The following ADGRL3 variants were observed in gnomAD, a reference collection of about 807,000 sequenced individuals.
ADGRL3 encodes adhesion G protein-coupled receptor L3, also known as calcium-independent alpha-latrotoxin receptor 3.
A neutral mutation model predicts 153.5 loss-of-function variants in ADGRL3; 62 were observed. That is an observed-to-expected ratio of 0.40 (90% CI 0.33 to 0.50). The LOEUF (loss-of-function observed/expected upper bound fraction) is 0.50. ADGRL3 is among the 20% of genes least tolerant of loss of function. The pLI, the probability that ADGRL3 is intolerant of heterozygous loss-of-function variation, is 0.47. For synonymous variants in ADGRL3, 710 were observed against 672.5 expected (o/e 1.06, Z -0.86); for missense variants, 1,641 against 1,859.4 (o/e 0.88, Z 2.16).
Position 61,225,938 on chromosome 4 carries a change from C to T in ADGRL3, c.-240+24173C>T, listed in dbSNP as rs984054282. Among the ~76,000 whole-genome samples, 10 of 152,268 alleles carry T rather than the reference C, an allele frequency of 6.6e-5. No individual in the cohort carries two copies. In the South Asian group the frequency reaches 2.1e-3, roughly 32 times the overall value. On this transcript the variant is annotated intron_variant, in intron 1 of 26. Coordinates refer to ENST00000683033, the MANE Select transcript of ADGRL3 (RefSeq NM_001387552.1). ...GTCTTCTTTAATATCTTTTCCATCA[C>T]TGCTTTCTACCTTCTTGTTCTCTGA...
chr4:61,423,195 A>T (rs2097229728), intron 2 of ADGRL3, among the ~76,000 whole-genome samples: 1 of 152,228 alleles, frequency 6.6e-6, no homozygotes, highest in South Asian at 2.1e-4. Flanking sequence ...GTACAGCAAG[A>T]TGAGAAGATT....
intron 9 of ADGRL3, among the ~76,000 whole-genome samples, chr4:61,819,992 C>T (rs1247962708): frequency 6.6e-6 from 1 of 152,034 alleles, no homozygotes; most frequent in Non-Finnish European, 1.5e-5. Flanking sequence ...ATTCTACCTC[C>T]TTTCAATTCG....
intron 5 of ADGRL3, among the ~76,000 whole-genome samples, chr4:61,598,493 C>G (rs1435322367): frequency 1.3e-5 from 2 of 152,128 alleles, no homozygotes; most frequent in African/African-American, 4.8e-5. Context: ...TAAATCTCAT[C>G]CCCTACATTC....
chr4:61,891,370 A>T (rs1312130134), intron 9 of ADGRL3, among the ~76,000 whole-genome samples: 4 of 152,184 alleles, frequency 2.6e-5, no homozygotes. Flanking sequence ...ATTCATATGG[A>T]AAGGGACCAT....
At chr4:61,568,917 A>C (rs2098827369) in intron 4 of ADGRL3, among the ~76,000 whole-genome samples, 2 of 152,116 alleles carry the variant, frequency 1.3e-5, no homozygotes, top group Non-Finnish European at 2.9e-5. Flanking sequence ...GGCTGTCTTC[A>C]ATCTATGGAT....
At chr4:61,918,376 A>T (rs2098753906) in intron 13 of ADGRL3, among the ~76,000 whole-genome samples, 1 of 152,226 alleles carries the variant, frequency 6.6e-6, no homozygotes, top group Admixed American at 6.5e-5. Flanking sequence ...TAAATATGTC[A>T]TTAAATATAC....
rs546176122 is a variant in ADGRL3 at position 61,747,194 on chromosome 4, T to G, written c.1399+13640T>G. Reference sequence around the variant, plus strand: ...ATCTCTGAATAGACCAATAACAGGCTCTGAAATTGTGGCAATAATCAATAG... The same window carrying G: ...ATCTCTGAATAGACCAATAACAGGCGCTGAAATTGTGGCAATAATCAATAG... On this transcript the variant is annotated intron_variant, in intron 8 of 26. Transcript: ENST00000683033. 1.2e-3 allele frequency among the ~76,000 whole-genome samples: 180 copies of G among 151,416 alleles called. 1 individual carries two copies. The East Asian group carries it at 0.031, about 26-fold the overall frequency.
At chr4:61,783,565 C>G (rs2097240943) in intron 8 of ADGRL3, among the ~76,000 whole-genome samples, 1 of 151,970 alleles carries the variant, frequency 6.6e-6, no homozygotes, top group South Asian at 2.1e-4. Context: ...TATGACCACA[C>G]TCAAAATTAT....
intron 1 of ADGRL3, among the ~76,000 whole-genome samples, chr4:61,246,351 T>C (rs1421848821): frequency 3.9e-5 from 6 of 152,054 alleles, no homozygotes; most frequent in Non-Finnish European, 7.4e-5. Flanking sequence ...AGACTAGTTA[T>C]GAGCTAGATG....
At chr4:62,028,038 T>A (rs945719457) in intron 21 of ADGRL3, among the ~76,000 whole-genome samples, 1 of 151,810 alleles carries the variant, frequency 6.6e-6, no homozygotes, top group Non-Finnish European at 1.5e-5. Context: ...AGGAGCTTTA[T>A]TTGTGTATGC....
In ADGRL3 at chr4:62,044,516, G is replaced by A; in HGVS notation, c.3781G>A (p.Gly1261Arg). The A allele has an allele frequency of 1.9e-6, 3 of 1,595,640 alleles. 1 individual carries two copies. In the South Asian group the frequency reaches 3.4e-5, roughly 18 times the overall value. Residue 1261 changes from glycine to arginine, a missense_variant, in exon 25 of 27, where the codon GGA (glycine) becomes AGA (arginine). This residue lies in a region of ADGRL3 where 517 missense variants were observed against 555.0 expected (regional missense o/e 0.93). Coordinates refer to ENST00000683033, the MANE Select transcript of ADGRL3 (RefSeq NM_001387552.1). ...GCAGTCAGAGTCTTCCTTTATTACT[G>A]GAGACATAAACAGTTCAGCGTCACT... ...RKQSESSFITGDINSSASLNR... is the reference protein window; with the variant it reads ...RKQSESSFITRDINSSASLNR...
intron 1 of ADGRL3, among the ~76,000 whole-genome samples, chr4:61,353,826 A>C (rs1260469519): frequency 9.2e-6 from 1 of 108,282 alleles, no homozygotes; most frequent in Non-Finnish European, 2.0e-5. Flanking sequence ...GCATTTTTGT[A>C]GATGATGGGC....
chr4:61,602,058 T>C (rs1386881429), intron 5 of ADGRL3, among the ~76,000 whole-genome samples: 2 of 150,810 alleles, frequency 1.3e-5, no homozygotes, highest in African/African-American at 2.4e-5. Context: ...TAATAACTAG[T>C]AAAATAAGTA....
At chr4:61,833,082 TG>T (rs1299515175) in intron 9 of ADGRL3, among the ~76,000 whole-genome samples, 1 of 151,952 alleles carries the variant, frequency 6.6e-6, no homozygotes, top group Non-Finnish European at 1.5e-5. Context: ...AAGAAAAAAG[TG>T]TTTATTTGTA....
intron 6 of ADGRL3, among the ~76,000 whole-genome samples, chr4:61,703,923 C>G (rs1021125841): frequency 6.6e-6 from 1 of 151,804 alleles, no homozygotes; most frequent in Non-Finnish European, 1.5e-5. Context: ...AGTATCTGTT[C>G]CCCAGCAGGT....
chr4:61,880,483 C>T (rs763636131), intron 9 of ADGRL3, among the ~76,000 whole-genome samples: 4 of 152,118 alleles, frequency 2.6e-5, no homozygotes, highest in Admixed American at 1.3e-4. Flanking sequence ...CAGTATAATT[C>T]AGACATAGTA....
chr4:61,947,754 A>T (rs1012643737), intron 16 of ADGRL3, among the ~76,000 whole-genome samples: 3 of 152,210 alleles, frequency 2.0e-5, no homozygotes, highest in African/African-American at 7.2e-5. Context: ...AAATTCAACA[A>T]AGATTTCTAA....
At chr4:61,321,029 C>A (rs887544204) in intron 1 of ADGRL3, among the ~76,000 whole-genome samples, 1 of 152,206 alleles carries the variant, frequency 6.6e-6, no homozygotes, top group Non-Finnish European at 1.5e-5. Context: ...CTCGAGCTCT[C>A]TGTTCTATCA....
intron 25 of ADGRL3, among the ~76,000 whole-genome samples, chr4:62,045,562 A>T (rs1284281316): frequency 6.6e-6 from 1 of 152,034 alleles, no homozygotes; most frequent in East Asian, 1.9e-4. Context: ...ATTCAGAAAG[A>T]TTCAGATGCT....
Sources: gnomAD v4.1 joint callset for allele counts (sites outside exome capture counted in the v4.1 genomes callset) on GRCh38, gnomAD v4.1.1 for gene constraint, gnomAD v4.1.1 regional missense constraint, MANE v1.5 for transcripts, NCBI Gene and HGNC (gene_info 2026-07-23, HGNC 2026-07-21) for gene names.